MAPK10: variants seen among roughly 807,000 people sequenced by gnomAD.
The protein encoded by MAPK10 is JNK3 alpha protein kinase.
A neutral mutation model predicts 59.3 loss-of-function variants in MAPK10; 25 were observed. The ratio of observed to expected loss-of-function variants is 0.42; its 90% CI spans 0.31 to 0.59. The LOEUF is 0.59. Among genes scored for constraint, MAPK10 ranks in the 20% least tolerant of loss-of-function variants. MAPK10 has a pLI of 0.15. For synonymous variants in MAPK10, 190 were observed against 200.5 expected (o/e 0.95, Z 0.44); for missense variants, 351 against 568.9 (o/e 0.62, Z 3.90).
chr4:86,326,207 T>C (rs897377475), intron 2 of MAPK10: 1 of 152,280 alleles, frequency 6.6e-6, no homozygotes. Context: ...GAACATGGCT[T>C]GTTTGGGGAA....
rs149620394 is a variant in MAPK10 at position 86,391,433 on chromosome 4, G to A, written c.-121-36789C>T. Among the ~76,000 whole-genome samples the A allele has an allele frequency of 2.4e-3, 370 of 152,236 alleles. 1 individual carries two copies. The highest frequency in any genetic ancestry group is 8.7e-3 in the African/African-American group (362 of 41,526). ...TATCATGCATGTATCTACATGCAAC[G>A]TTTTTAACTGTACCATGATTGAAGA... On this transcript the variant is annotated intron_variant, in intron 1 of 13. Transcript: ENST00000361569.
rs751112405 is a variant in MAPK10, at chr4:86,017,331, G to A, written c.1292C>T (p.Ser431Leu). ...VNSSESLPPS[S>L]SVNDISSMST... Reference sequence around the variant, plus strand: ...CATGGAGGAGATGTCATTGACAGACGAGGATGGAGGGAGACTCTCACTGCT... The same window carrying A: ...CATGGAGGAGATGTCATTGACAGACAAGGATGGAGGGAGACTCTCACTGCT... The change falls in exon 14 of 14, where the codon TCG becomes TTG. Residue 431 changes from serine (S) to leucine (L), a missense_variant. By Grantham distance (145) the Ser-to-Leu change is moderately radical. Transcript: ENST00000641462. This position sits in a 1 kb window ranked among gnomAD's most constrained non-coding sequence, Gnocchi z 4.4. 5.6e-6 allele frequency: 9 copies of A among 1,614,034 alleles called. No homozygotes were observed. The highest frequency in any genetic ancestry group is 2.2e-5 in the East Asian group (1 of 44,890).
intron 3 of MAPK10, chr4:86,160,603 GCTGGTTGTC>G (rs2069261888): frequency 1.3e-5 from 2 of 152,016 alleles, no homozygotes; most frequent in African/African-American, 4.8e-5. Context: ...GTCAAAGAAT[GCTGGTTGTC>G]CTACAAGAAG....
intron 11 of MAPK10, among the ~76,000 whole-genome samples, chr4:86,050,531 C>CTGTCTACAT (rs2043313428): frequency 6.6e-6 from 1 of 152,224 alleles, no homozygotes; most frequent in South Asian, 2.1e-4. Flanking sequence ...AACTCTTGGT[C>CTGTCTACAT]CTCCTCCCAT....
intron 4 of MAPK10, among the ~76,000 whole-genome samples, chr4:86,118,931 C>T (rs1011118804): frequency 6.6e-6 from 1 of 152,174 alleles, no homozygotes; most frequent in East Asian, 1.9e-4. Context: ...ATTGTTCCCC[C>T]TAACAGGAAT....
intron 4 of MAPK10, among the ~76,000 whole-genome samples, chr4:86,113,026 C>T (rs1005078658): frequency 6.6e-6 from 1 of 151,564 alleles, no homozygotes; most frequent in Non-Finnish European, 1.5e-5. Context: ...TTTCAGTAAC[C>T]AGGATTGCAA....
At chr4:86,225,995 A>G (rs1329503972) in intron 2 of MAPK10, among the ~76,000 whole-genome samples, 1 of 152,242 alleles carries the variant, frequency 6.6e-6, no homozygotes, top group Non-Finnish European at 1.5e-5. Flanking sequence ...ATGTTTAACA[A>G]CAGTTTTCTG....
chr4:86,406,866 C>A (rs1744430572), intron 1 of MAPK10, among the ~76,000 whole-genome samples: 1 of 152,198 alleles, frequency 6.6e-6, no homozygotes, highest in Non-Finnish European at 1.5e-5. Context: ...AAACTGCAAC[C>A]ACTTACGACA....
chr4:86,029,300 A>G (rs1404818868), intron 12 of MAPK10, 26 bp from the exon 13 acceptor site: 5 of 1,454,322 alleles, frequency 3.4e-6, no homozygotes, highest in Non-Finnish European at 4.8e-6. Context: ...GTGTTATTAT[A>G]GAAAACAAAT....
chr4:86,260,397 GTTTC>G (rs1350772280), intron 2 of MAPK10, among the ~76,000 whole-genome samples: 6 of 152,048 alleles, frequency 3.9e-5, no homozygotes, highest in Non-Finnish European at 8.8e-5. Context: ...TCCAACAGTG[GTTTC>G]TTTCTTTAGG....
chr4:86,093,420 ATT>A (rs1239202269), intron 9 of MAPK10, among the ~76,000 whole-genome samples: 1 of 151,926 alleles, frequency 6.6e-6, no homozygotes, highest in East Asian at 1.9e-4. Flanking sequence ...TTTGAAAATT[ATT>A]TGTTATAATT....
At chr4:86,406,330 G>A (rs553979286) in intron 1 of MAPK10, among the ~76,000 whole-genome samples, 14 of 152,138 alleles carry the variant, frequency 9.2e-5, no homozygotes, top group Non-Finnish European at 1.9e-4. Context: ...CAGTTATTCC[G>A]CTGCAAGCTA....
intron 13 of MAPK10, chr4:86,026,343 C>T (rs957094848): frequency 2.6e-5 from 4 of 152,102 alleles, no homozygotes; most frequent in African/African-American, 9.7e-5. Context: ...ACTGCTAGTC[C>T]CTCAGCAATT....
chr4:86,193,588 C>G, intron 3 of MAPK10: 1 of 152,574 alleles, frequency 6.6e-6, no homozygotes, highest in Non-Finnish European at 1.5e-5. Context: ...TCAGTAATGG[C>G]AGACGCCCCT....
chr4:86,088,899 T>G (rs2052509843), intron 9 of MAPK10, among the ~76,000 whole-genome samples: 1 of 152,162 alleles, frequency 6.6e-6, no homozygotes, highest in Admixed American at 6.6e-5. Flanking sequence ...ATCTTCATTT[T>G]GAAACATCTA....
intron 3 of MAPK10, among the ~76,000 whole-genome samples, chr4:86,172,817 C>A (rs1489519098): frequency 1.1e-4 from 16 of 146,792 alleles, no homozygotes. Flanking sequence ...TCCTATACAC[C>A]AACAATAGGC....
intron 2 of MAPK10, 130 bp from the exon 3 acceptor site, chr4:86,194,537 T>C: frequency 1.5e-6 from 1 of 657,934 alleles, no homozygotes. Context: ...ATAATCCTTA[T>C]CTTGACCTGT....
In MAPK10 at chr4:86,357,356, C is replaced by T. The variant is rs550056235; in HGVS notation, c.-122+2302G>A. ...AAGAATTTATAACTAGGCTTACATC[C>T]AAAGAAACAGATTCATTTACATGAA... On this transcript the variant is annotated intron_variant, in intron 1 of 13. Transcript: ENST00000641462. Among the ~76,000 whole-genome samples, 299 of 152,134 alleles carry T rather than the reference C, an allele frequency of 2.0e-3. 1 individual carries two copies. Among genetic ancestry groups the T allele is most frequent in the African/African-American group, 7.0e-3 (292 of 41,518 alleles).
intron 1 of MAPK10, among the ~76,000 whole-genome samples, chr4:86,436,868 C>A (rs997629882): frequency 6.6e-6 from 1 of 152,126 alleles, no homozygotes. Context: ...AAAGGCATCT[C>A]CTTGTGTATT....
Sources: gnomAD v4.1 joint callset for allele counts (sites outside exome capture counted in the v4.1 genomes callset) on GRCh38, gnomAD v4.1.1 for gene constraint, Gnocchi (gnomAD v3.1) non-coding constraint, MANE v1.5 for transcripts, NCBI Gene and HGNC (gene_info 2026-07-23, HGNC 2026-07-21) for gene names.